RAD50: variants seen among roughly 807,000 people sequenced by gnomAD.
RAD50 encodes RAD50 double strand break repair protein.
In RAD50, 132 loss-of-function variants were observed where a neutral mutation model predicts 168.8. The observed-to-expected ratio is 0.78, with a 90% CI of 0.68 to 0.90. The LOEUF is 0.90. RAD50 is among the 40% of genes least tolerant of loss of function. RAD50 has a pLI of 0.00. For missense variants in RAD50, 1,347 were observed against 1,534.4 expected, an observed-to-expected ratio of 0.88 and a Z score of 2.04; for synonymous variants, 525 against 497.4, an observed-to-expected ratio of 1.06 and a Z score of -0.74.
chr5:132,597,287 T>A (rs62383750), intron 13 of RAD50, among the ~76,000 whole-genome samples: 26,978 of 152,090 alleles, frequency 0.18, 2,691 homozygotes, highest in South Asian at 0.23. Flanking sequence ...TCCCTAGTAA[T>A]CTCGGCCTCT....
intron 21 of RAD50, among the ~76,000 whole-genome samples, chr5:132,625,288 G>A (rs1025423745): frequency 2.0e-5 from 3 of 151,596 alleles, no homozygotes; most frequent in Non-Finnish European, 2.9e-5. Flanking sequence ...GGGTTTCACC[G>A]TTTTAGCCGG....
chr5:132,562,058 G>C (rs987978389), intron 2 of RAD50, among the ~76,000 whole-genome samples: 2 of 152,166 alleles, frequency 1.3e-5, no homozygotes, highest in African/African-American at 2.4e-5. Flanking sequence ...TTCAAAATCT[G>C]GGAAGAAAAC....
intron 11 of RAD50, chr5:132,592,970 C>A: frequency 2.2e-6 from 1 of 446,870 alleles, no homozygotes; most frequent in Non-Finnish European, 4.7e-6. Context: ...ATTGAGGTGT[C>A]TATGGTGTTG....
At chr5:132,608,798 C>T in intron 17 of RAD50, 73 bp downstream of exon 17, 5 of 1,506,266 alleles carry the variant, frequency 3.3e-6, no homozygotes, top group East Asian at 2.5e-5. Flanking sequence ...ACGTCGGACA[C>T]TTATTTCACA....
intron 2 of RAD50, among the ~76,000 whole-genome samples, chr5:132,564,713 A>C (rs1039833411): frequency 2.0e-5 from 3 of 152,206 alleles, no homozygotes; most frequent in Non-Finnish European, 2.9e-5. Context: ...TAGCCAAGAC[A>C]CTGGGGAAAA....
At chr5:132,559,257 A>C in intron 1 of RAD50, 27 bp from the exon 2 acceptor site, 2 of 1,580,624 alleles carry the variant, frequency 1.3e-6, no homozygotes, top group South Asian at 2.3e-5. Context: ...TCTTATAACG[A>C]AATAATGTAA....
At chr5:132,564,175 A>G (rs1750169112) in intron 2 of RAD50, among the ~76,000 whole-genome samples, 1 of 152,204 alleles carries the variant, frequency 6.6e-6, no homozygotes, top group East Asian at 1.9e-4. Context: ...GAACTGGGTA[A>G]TGGGTAGAGG....
intron 19 of RAD50, among the ~76,000 whole-genome samples, chr5:132,611,705 TAAAAA>T (rs34112186): frequency 1.9e-5 from 2 of 102,980 alleles, no homozygotes; most frequent in Admixed American, 1.1e-4. Context: ...GACTCCGTCT[TAAAAA>T]AAAAAAAAAA....
At chr5:132,619,943 C>T (rs1472156523) in intron 21 of RAD50, among the ~76,000 whole-genome samples, 3 of 145,414 alleles carry the variant, frequency 2.1e-5, no homozygotes, top group African/African-American at 5.3e-5. Flanking sequence ...CTCACTCAGT[C>T]GCCCAGGCTG....
Position 132,643,639 on chromosome 5 carries a change from T to TGTTA in RAD50, c.*1276_*1279dup. On this transcript the variant is annotated 3_prime_UTR_variant, in exon 25 of 25. Coordinates refer to ENST00000378823, the MANE Select transcript of RAD50 (RefSeq NM_005732.4). The stretch of plus-strand genomic sequence containing the variant: ...GGTCCTGATTTCTAGAACCCGTGAC[T>TGTTA]GTTACTTTATACAGCAAAGGAAACT... 1 of 227,332 alleles carries TGTTA rather than the reference T, an allele frequency of 4.4e-6. No homozygotes were observed. Among genetic ancestry groups the TGTTA allele is most frequent in the East Asian group, 6.2e-5 (1 of 16,216 alleles). The allele number at this position is 227,332 out of a possible 1,614,324, so 14.1% of individuals were successfully genotyped here.
chr5:132,638,026 T>G, intron 22 of RAD50, 55 bp from the exon 23 acceptor site: 1 of 1,579,338 alleles, frequency 6.3e-7, no homozygotes, highest in Non-Finnish European at 8.7e-7. Flanking sequence ...TGTTTGTAAA[T>G]GACAAAAGGC....
chr5:132,603,448 A>G lies in RAD50; in HGVS notation c.2356A>G (p.Lys786Glu), dbSNP rs1750924600. The change falls in exon 14 of 25, where the codon AAA becomes GAA. Residue 786 changes from lysine to glutamate, a missense_variant. By Grantham distance (56) the Lys-to-Glu change is moderately conservative. This residue lies in a region of RAD50 where 635 missense variants were observed against 739.2 expected (regional missense o/e 0.86). Coordinates refer to ENST00000378823, the MANE Select transcript of RAD50 (RefSeq NM_005732.4). ...GTIMPEEESA[K>E]VCLTDVTIME... ...AATAATGCCTGAAGAAGAAAGTGCCAAAGTATGCCTGACAGATGTTACAAT... is the reference window on the plus strand; with the variant it reads ...AATAATGCCTGAAGAAGAAAGTGCCGAAGTATGCCTGACAGATGTTACAAT... The G allele has an allele frequency of 1.2e-6, 2 of 1,613,994 alleles. No homozygotes were observed. The highest frequency in any genetic ancestry group is 1.7e-6 in the Non-Finnish European group (2 of 1,179,918).
rs1321474867 is a variant in RAD50 at position 132,638,223 on chromosome 5, G to T, written c.3618G>T (p.Lys1206Asn). ...GAGGACGATGCAGTGCTGGACAAAA[G>T]GCAGGTATCTCAAAAGCCTGGGGAG... is the stretch of plus-strand genomic sequence containing the variant. ...DMRGRCSAGQ[K>N]VLASLIIRLA... is the part of the protein sequence containing the mutation. The change falls in exon 23 of 25, where the codon AAG becomes AAT. Residue 1206 changes from lysine (K) to asparagine (N), a missense_variant and splice_region_variant. Coordinates refer to ENST00000378823, the MANE Select transcript of RAD50 (RefSeq NM_005732.4). The T allele has an allele frequency of 3.7e-6, 6 of 1,613,960 alleles. No homozygotes were observed. Among genetic ancestry groups the T allele is most frequent in the Non-Finnish European group, 5.1e-6 (6 of 1,179,984 alleles).
chr5:132,585,611 T>C (rs1338015671), intron 5 of RAD50, among the ~76,000 whole-genome samples: 7 of 129,356 alleles, frequency 5.4e-5, no homozygotes, highest in African/African-American at 1.9e-4. Flanking sequence ...TTTTTTTTTT[T>C]CTTGTTTTTT....
At chr5:132,558,017 T>C (rs985630819) in intron 1 of RAD50, among the ~76,000 whole-genome samples, 3 of 152,164 alleles carry the variant, frequency 2.0e-5, no homozygotes, top group African/African-American at 7.2e-5. Flanking sequence ...TTTTTTTTTT[T>C]TTTAAAGCCG....
intron 2 of RAD50, among the ~76,000 whole-genome samples, chr5:132,568,413 C>T (rs1441154204): frequency 2.0e-5 from 3 of 151,724 alleles, no homozygotes; most frequent in East Asian, 1.9e-4. Context: ...TAGATAAGCT[C>T]AAGGACTTAA....
chr5:132,595,639 C>G lies in RAD50; in HGVS notation c.2036C>G (p.Ser679Ter), dbSNP rs1580996992. ...FITQLTDENQSCCPVCQRVFQ... is the reference protein window; with the variant it reads ...FITQLTDENQ ...ACTCAGCTAACAGACGAAAACCAGT[C>G]ATGTTGCCCCGTTTGTCAGAGAGTT... The change falls in exon 13 of 25, where the codon TCA (serine) becomes TGA (stop). Residue 679 changes from serine to a stop codon, truncating the protein, a stop_gained. Coordinates refer to ENST00000378823, the MANE Select transcript of RAD50 (RefSeq NM_005732.4). LOFTEE classifies it high-confidence loss of function. 6.2e-7 allele frequency: 1 copy of G among 1,614,090 alleles called. No individual in the cohort carries two copies. Among genetic ancestry groups the G allele is most frequent in the South Asian group, 1.1e-5 (1 of 91,056 alleles).
rs1303523841 is a variant in RAD50, at chr5:132,643,720, T to TGGGG, written c.*1357_*1360dup. 1 of 75,178 alleles carries TGGGG rather than the reference T, an allele frequency of 1.3e-5. No homozygotes were observed. The highest frequency in any genetic ancestry group is 2.7e-5 in the Non-Finnish European group (1 of 37,350). 4.7% of individuals were successfully genotyped at this position (75,178 alleles called of 1,614,324 possible). A position where few individuals can be genotyped will look rare whatever the true frequency, so the allele number is the denominator to read the frequency against. On this transcript the variant is annotated 3_prime_UTR_variant, in exon 25 of 25. Coordinates refer to ENST00000378823, the MANE Select transcript of RAD50 (RefSeq NM_005732.4). ...AGACAGAGTATCCTGGGGGTGGTGG[T>TGGGG]GGGGTGGGGGGGGGTCCTAAATGTA...
chr5:132,626,602 C>A (rs543135948), intron 21 of RAD50, among the ~76,000 whole-genome samples: 1 of 152,286 alleles, frequency 6.6e-6, no homozygotes, highest in African/African-American at 2.4e-5. Flanking sequence ...TTTAATAGCA[C>A]TAAAGAACTA....
Sources: gnomAD v4.1 joint callset for allele counts (sites outside exome capture counted in the v4.1 genomes callset) on GRCh38, gnomAD v4.1.1 for gene constraint, gnomAD v4.1.1 regional missense constraint, MANE v1.5 for transcripts, NCBI Gene and HGNC (gene_info 2026-07-23, HGNC 2026-07-21) for gene names.